Variants in CSMD1 observed in about 807,000 individuals in gnomAD.
CSMD1 encodes the protein CUB and sushi domain-containing protein 1.
Under a neutral mutation model 417.5 loss-of-function variants are expected in CSMD1, and 213 were observed. The observed-to-expected ratio is 0.51, with a 90% CI of 0.46 to 0.57. CSMD1 has a LOEUF of 0.57. Ranked by LOEUF, CSMD1 falls within the 20% of genes least tolerant of loss-of-function variation. The pLI is 0.00. For synonymous variants in CSMD1, 2,862 were observed against 1,736.8 expected (o/e 1.65, Z -16.11); for missense variants, 6,923 against 4,529.7 (o/e 1.53, Z -15.17).
intron 1 of CSMD1, among the ~76,000 whole-genome samples, chr8:4,913,139 G>A (rs1393719063): frequency 6.6e-6 from 1 of 152,160 alleles, no homozygotes; most frequent in African/African-American, 2.4e-5. Context: ...TCAAAGCAGA[G>A]TCCACCACTC....
At position 3,052,581 on chromosome 8, in the gene CSMD1, T is replaced by G; in HGVS notation, c.7541A>C (p.Asp2514Ala). ...GSFTGNEFTL[D>A]SKVVYECHEG... is the part of the protein sequence containing the mutation. ...ATGACATTCATAGACCACTTTACTG[T>G]CCAAAGTGAACTCGTTCCCGGTAAA... Residue 2514 changes from aspartate to alanine, a missense_variant, in exon 50 of 70, where the codon GAC becomes GCC. Coordinates refer to ENST00000635120, the MANE Select transcript of CSMD1 (RefSeq NM_033225.6). The G allele has an allele frequency of 1.2e-6, 2 of 1,611,650 alleles. No individual in the cohort carries two copies. The highest frequency in any genetic ancestry group is 1.7e-6 in the Non-Finnish European group (2 of 1,178,892).
intron 3 of CSMD1, among the ~76,000 whole-genome samples, chr8:4,045,168 G>C (rs540979645): frequency 2.0e-5 from 3 of 152,226 alleles, no homozygotes; most frequent in South Asian, 2.1e-4. Flanking sequence ...TCGTGGGCTG[G>C]GGTACCGGGT....
At chr8:4,700,814 G>C (rs767061069) in intron 1 of CSMD1, among the ~76,000 whole-genome samples, 1 of 152,116 alleles carries the variant, frequency 6.6e-6, no homozygotes, top group Non-Finnish European at 1.5e-5. Context: ...GAACGGATTA[G>C]AGCATGAAAA....
At chr8:3,545,298 C>T (rs752355711) in intron 10 of CSMD1, among the ~76,000 whole-genome samples, 101 of 152,162 alleles carry the variant, frequency 6.6e-4, no homozygotes, top group Non-Finnish European at 1.3e-3. Flanking sequence ...TTCAAAGTTG[C>T]TTTTATCCCT....
At chr8:3,988,576 G>C (rs987956161) in intron 5 of CSMD1, among the ~76,000 whole-genome samples, 2 of 152,188 alleles carry the variant, frequency 1.3e-5, no homozygotes, top group Non-Finnish European at 2.9e-5. Flanking sequence ...TCTGCATTTT[G>C]AAAAGATCTC....
chr8:3,667,730 A>G (rs1798775231), intron 7 of CSMD1, among the ~76,000 whole-genome samples: 1 of 152,212 alleles, frequency 6.6e-6, no homozygotes, highest in African/African-American at 2.4e-5. Flanking sequence ...TACTCATTAG[A>G]GAAAGTAAAC....
At chr8:4,461,372 C>T (rs984652288) in intron 2 of CSMD1, among the ~76,000 whole-genome samples, 1 of 150,956 alleles carries the variant, frequency 6.6e-6, no homozygotes, top group Non-Finnish European at 1.5e-5. Flanking sequence ...GGCAGTGATG[C>T]AGGAAATTTA....
chr8:4,969,786 G>A (rs1810119609), intron 1 of CSMD1, among the ~76,000 whole-genome samples: 2 of 151,992 alleles, frequency 1.3e-5, no homozygotes, highest in South Asian at 4.1e-4. Flanking sequence ...CTGCTATGTG[G>A]AACTTTAACA....
At chr8:4,537,287 A>T (rs1208140607) in intron 2 of CSMD1, among the ~76,000 whole-genome samples, 1 of 152,204 alleles carries the variant, frequency 6.6e-6, no homozygotes, top group East Asian at 1.9e-4. Flanking sequence ...ATCTGGTAAA[A>T]TGCTTATCTT....
In CSMD1 at chr8:3,104,995, C is replaced by G. The variant is rs573629795; in HGVS notation, c.6949+1533G>C. Among the ~76,000 whole-genome samples, 225 of 152,320 alleles carry G rather than the reference C, an allele frequency of 1.5e-3. 2 individuals carry two copies. The highest frequency in any genetic ancestry group is 0.014 in the Middle Eastern group (4 of 294). On this transcript the variant is annotated intron_variant, in intron 46 of 69. Transcript: ENST00000635120. ...TGCTGGGATTACAGGCGTGCGCCAC[C>G]GCGCCCGGCCAGTTATCAGACCTTT...
At chr8:3,751,637 AT>A (rs1014145490) in intron 6 of CSMD1, among the ~76,000 whole-genome samples, 15 of 151,162 alleles carry the variant, frequency 9.9e-5, no homozygotes, top group African/African-American at 3.1e-4. Context: ...TTAATTACAT[AT>A]TTTTTTTAAC....
intron 48 of CSMD1, among the ~76,000 whole-genome samples, chr8:3,088,152 G>A (rs952308675): frequency 6.6e-6 from 1 of 152,074 alleles, no homozygotes; most frequent in Non-Finnish European, 1.5e-5. Context: ...ACTAGAGATG[G>A]GCATTTGTTA....
intron 1 of CSMD1, among the ~76,000 whole-genome samples, chr8:4,975,264 C>T (rs1010750663): frequency 3.3e-5 from 5 of 152,234 alleles, no homozygotes; most frequent in Middle Eastern, 3.4e-3. Flanking sequence ...TTTCAACTTA[C>T]GCTTATTAAA....
chr8:4,510,855 C>T (rs1230346490), intron 2 of CSMD1, among the ~76,000 whole-genome samples: 4 of 140,102 alleles, frequency 2.9e-5, no homozygotes, highest in Non-Finnish European at 4.7e-5. Context: ...CTCCCTCCTC[C>T]CTTCCCTTCC....
chr8:4,039,878 T>C (rs1212339332), intron 3 of CSMD1, among the ~76,000 whole-genome samples: 1 of 152,162 alleles, frequency 6.6e-6, no homozygotes, highest in East Asian at 1.9e-4. Flanking sequence ...GTTGGACAAA[T>C]TACTTAGATC....
intron 1 of CSMD1, among the ~76,000 whole-genome samples, chr8:4,658,785 A>G (rs1019070286): frequency 2.0e-5 from 3 of 152,154 alleles, no homozygotes; most frequent in Non-Finnish European, 2.9e-5. Context: ...TACATAAAAC[A>G]ATCACCACAC....
chr8:3,029,321 C>G lies in CSMD1; in HGVS notation c.7853G>C (p.Arg2618Pro). 1.9e-6 allele frequency: 3 copies of G among 1,602,994 alleles called. No homozygotes were observed. In the South Asian group the frequency reaches 3.3e-5, roughly 18 times the overall value. Residue 2618 changes from arginine to proline, a missense_variant and splice_region_variant, in exon 51 of 70, where the codon CGA (arginine) becomes CCA (proline). Transcript: ENST00000635120. ...GGGGTGCCTCCCTCATCACTTACCTCGACAGCTTGGCCTCTCATCTCCTAT... is the reference window on the plus strand; with the variant it reads ...GGGGTGCCTCCCTCATCACTTACCTGGACAGCTTGGCCTCTCATCTCCTAT... ...WNIGDERPSC[R>P]VISCGSLSFP... is the part of the protein sequence containing the mutation.
intron 1 of CSMD1, among the ~76,000 whole-genome samples, chr8:4,791,120 G>C (rs564624594): frequency 1.3e-5 from 2 of 152,240 alleles, no homozygotes; most frequent in African/African-American, 4.8e-5. Flanking sequence ...AGAAGAGACG[G>C]GGAGGGAGAA....
At chr8:3,661,388 T>G (rs1302603975) in intron 7 of CSMD1, among the ~76,000 whole-genome samples, 2 of 152,162 alleles carry the variant, frequency 1.3e-5, no homozygotes, top group Non-Finnish European at 2.9e-5. Context: ...TACTTCCCTT[T>G]TTTTGTGTAT....
Sources: allele counts gnomAD v4.1 joint callset (sites outside exome capture counted in the v4.1 genomes callset), GRCh38; gene constraint gnomAD v4.1.1; transcripts MANE v1.5; gene names NCBI Gene and HGNC (gene_info 2026-07-23, HGNC 2026-07-21).